Variants in KIAA1549L observed in about 807,000 individuals in gnomAD.
KIAA1549L encodes KIAA1549 like.
KIAA1549L carries 88 observed loss-of-function variants against 160.7 expected under a neutral mutation model. The ratio of observed to expected loss-of-function variants is 0.55; its 90% CI spans 0.46 to 0.65. The LOEUF (loss-of-function observed/expected upper bound fraction) is 0.65, where lower values mean the gene tolerates loss of function less well. KIAA1549L is among the 30% of genes least tolerant of loss of function. The pLI is 0.00. For synonymous variants in KIAA1549L, 950 were observed against 976.7 expected (o/e 0.97, Z 0.51); for missense variants, 2,258 against 2,437.5 (o/e 0.93, Z 1.55).
At chr11:33,483,196 G>T (rs1344953177) in intron 1 of KIAA1549L, among the ~76,000 whole-genome samples, 1 of 152,068 alleles carries the variant, frequency 6.6e-6, no homozygotes, top group East Asian at 1.9e-4. Context: ...CTAGTTAATA[G>T]TGCCATCGTT....
At chr11:33,629,799 T>C (rs1202904546) in intron 16 of KIAA1549L, among the ~76,000 whole-genome samples, 1 of 150,636 alleles carries the variant, frequency 6.6e-6, no homozygotes, top group Non-Finnish European at 1.5e-5. Context: ...GTCAAAGTCA[T>C]TCTCCGTCCA....
chr11:33,463,719 T>C lies in KIAA1549L; in HGVS notation c.239-78083T>C, dbSNP rs538405277. Among the ~76,000 whole-genome samples the C allele has an allele frequency of 2.7e-4, 41 of 152,366 alleles. 1 individual carries two copies. In the East Asian group the frequency reaches 7.7e-3, roughly 29 times the overall value. On this transcript the variant is annotated intron_variant, in intron 1 of 20. Coordinates refer to ENST00000658780, the MANE Select transcript of KIAA1549L (RefSeq NM_012194.3). ...TGTCATTTTAACTTACTCTCTATGA[T>C]GTCTTTCCTACATGCTTTAACTTCT...
intron 1 of KIAA1549L, among the ~76,000 whole-genome samples, chr11:33,438,285 C>T (rs1435050146): frequency 1.3e-5 from 2 of 152,178 alleles, no homozygotes; most frequent in Non-Finnish European, 2.9e-5. Context: ...TCAAAACAAG[C>T]CAAGCTGGTG....
Position 33,648,591 on chromosome 11 carries a change from C to G in KIAA1549L, c.5760+2555C>G, listed in dbSNP as rs1310546652. ...AGCTGGTGGTTTAAATACACTAGGC[C>G]AGGCTAATGGCATTTATACCATGGA... On this transcript the variant is annotated intron_variant, in intron 17 of 20. Transcript: ENST00000658780. Among the ~76,000 whole-genome samples, 2 of 151,258 alleles carry G rather than the reference C, an allele frequency of 1.3e-5. 1 individual carries two copies. The highest frequency in any genetic ancestry group is 4.9e-5 in the African/African-American group (2 of 41,156).
At chr11:33,537,113 G>A (rs747198327) in intron 1 of KIAA1549L, among the ~76,000 whole-genome samples, 32 of 152,194 alleles carry the variant, frequency 2.1e-4, no homozygotes, top group Non-Finnish European at 3.4e-4. Context: ...CCTTGTACTC[G>A]TGATGCCTCT....
At chr11:33,667,436 A>G (rs553595756) in intron 20 of KIAA1549L, among the ~76,000 whole-genome samples, 17 of 151,388 alleles carry the variant, frequency 1.1e-4, no homozygotes, top group African/African-American at 3.9e-4. Context: ...TCTGTCGCCC[A>G]GGCTGGAGTG....
intron 16 of KIAA1549L, among the ~76,000 whole-genome samples, chr11:33,627,698 C>A (rs1424342044): frequency 6.6e-6 from 1 of 152,092 alleles, no homozygotes; most frequent in African/African-American, 2.4e-5. Flanking sequence ...TGCTAATAAA[C>A]AAAATCTATC....
chr11:33,407,336 G>A (rs1850686540), intron 1 of KIAA1549L, among the ~76,000 whole-genome samples: 1 of 150,112 alleles, frequency 6.7e-6, no homozygotes, highest in Non-Finnish European at 1.5e-5. Context: ...CGCCCGCCTC[G>A]GCAGTCCTTT....
chr11:33,471,135 T>A (rs1447476424), intron 1 of KIAA1549L, among the ~76,000 whole-genome samples: 2 of 152,114 alleles, frequency 1.3e-5, no homozygotes, highest in African/African-American at 4.8e-5. Flanking sequence ...CTTGCATTCA[T>A]AGTGAAATCT....
At position 33,496,440 on chromosome 11, in the gene KIAA1549L, T is replaced by C. The variant is rs148528439; in HGVS notation, c.239-45362T>C. On this transcript the variant is annotated intron_variant, in intron 1 of 20. Coordinates refer to ENST00000658780, the MANE Select transcript of KIAA1549L (RefSeq NM_012194.3). Reference sequence around the variant, plus strand: ...TACAGTGCCGGCATCTCTTTTGCAATATGCTTGCTGGTCTAGTGCACATCT... The same window carrying C: ...TACAGTGCCGGCATCTCTTTTGCAACATGCTTGCTGGTCTAGTGCACATCT... Among the ~76,000 whole-genome samples the C allele has an allele frequency of 2.5e-3, 374 of 152,332 alleles. 4 individuals carry two copies. In the South Asian group the frequency reaches 0.025, roughly 10 times the overall value.
At chr11:33,661,905 A>T (rs973745585) in intron 20 of KIAA1549L, among the ~76,000 whole-genome samples, 3 of 81,468 alleles carry the variant, frequency 3.7e-5, no homozygotes, top group African/African-American at 1.3e-4. Context: ...AAAAAAAAAA[A>T]AGAAACCCAA....
At chr11:33,407,089 T>A (rs1850674949) in intron 1 of KIAA1549L, among the ~76,000 whole-genome samples, 2 of 140,644 alleles carry the variant, frequency 1.4e-5, no homozygotes, top group Non-Finnish European at 3.1e-5. Context: ...TCATTTTTTT[T>A]TTTTTTTTTT....
chr11:33,407,994 C>T (rs1232862347), intron 1 of KIAA1549L, among the ~76,000 whole-genome samples: 1 of 152,118 alleles, frequency 6.6e-6, no homozygotes, highest in African/African-American at 2.4e-5. Flanking sequence ...CCAAGAAGCT[C>T]ATCAAGTTGT....
At chr11:33,495,939 C>G (rs1852807654) in intron 1 of KIAA1549L, among the ~76,000 whole-genome samples, 1 of 152,016 alleles carries the variant, frequency 6.6e-6, no homozygotes, top group East Asian at 1.9e-4. Context: ...TGAGAAGTGT[C>G]TGTTCATGTC....
chr11:33,660,161 C>T (rs1272232854), intron 19 of KIAA1549L, among the ~76,000 whole-genome samples: 4 of 143,704 alleles, frequency 2.8e-5, no homozygotes, highest in African/African-American at 1.0e-4. Context: ...AGTACAGACT[C>T]CACCCCTGGC....
intron 1 of KIAA1549L, among the ~76,000 whole-genome samples, 177 bp downstream of exon 1, chr11:33,377,066 A>G (rs1288447804): frequency 6.6e-6 from 1 of 152,204 alleles, no homozygotes; most frequent in African/African-American, 2.4e-5. Flanking sequence ...TGGGCGGGGA[A>G]GAAAAAAAAA....
intron 1 of KIAA1549L, among the ~76,000 whole-genome samples, chr11:33,511,191 CT>C: frequency 6.6e-6 from 1 of 152,154 alleles, no homozygotes; most frequent in East Asian, 1.9e-4. Flanking sequence ...GCTGTGTTGG[CT>C]TTTGTCTGCA....
intron 11 of KIAA1549L, among the ~76,000 whole-genome samples, chr11:33,584,901 C>T (rs1855761008): frequency 6.6e-6 from 1 of 152,206 alleles, no homozygotes; most frequent in Non-Finnish European, 1.5e-5. Context: ...AATAGTGAGG[C>T]AACGCCTCAC....
intron 1 of KIAA1549L, among the ~76,000 whole-genome samples, chr11:33,489,182 TACTC>T (rs1852598335): frequency 6.6e-6 from 1 of 152,184 alleles, no homozygotes; most frequent in Non-Finnish European, 1.5e-5. Context: ...AGGAATTTAT[TACTC>T]ACAGTTCTGG....
Sources: allele counts gnomAD v4.1 joint callset (sites outside exome capture counted in the v4.1 genomes callset), GRCh38; gene constraint gnomAD v4.1.1; transcripts MANE v1.5; gene names NCBI Gene and HGNC (gene_info 2026-07-23, HGNC 2026-07-21).